Variants in PDE10A observed in about 807,000 individuals in gnomAD.
The protein encoded by PDE10A is phosphodiesterase 10A, also known as cAMP and cAMP-inhibited cGMP 3',5'-cyclic phosphodiesterase 10A.
A neutral mutation model predicts 97.7 loss-of-function variants in PDE10A; 39 were observed. That is an observed-to-expected ratio of 0.40 (90% confidence interval 0.31 to 0.52). The LOEUF is 0.52. Among genes scored for constraint, PDE10A ranks in the 20% least tolerant of loss-of-function variants. The pLI is 0.56. For missense variants in PDE10A, 731 were observed against 1,047.8 expected (o/e 0.70, Z 4.17); for synonymous variants, 371 against 376.8 (o/e 0.98, Z 0.18).
At chr6:165,652,478 C>T (rs1789733393) in intron 1 of PDE10A, among the ~76,000 whole-genome samples, 1 of 152,172 alleles carries the variant, frequency 6.6e-6, no homozygotes. Context: ...AGAGCCACCT[C>T]GCCCAGCCTT....
intron 1 of PDE10A, among the ~76,000 whole-genome samples, chr6:165,954,729 T>C (rs1412490884): frequency 6.6e-6 from 1 of 152,004 alleles, no homozygotes; most frequent in Admixed American, 6.6e-5. Flanking sequence ...CAGAAGGCCT[T>C]ACAAGAAGGC....
intron 1 of PDE10A, among the ~76,000 whole-genome samples, chr6:165,967,795 A>G (rs1562333115): frequency 1.3e-5 from 2 of 152,158 alleles, no homozygotes; most frequent in African/African-American, 2.4e-5. Flanking sequence ...ATCAACTTTC[A>G]TGAATTTATA....
chr6:165,806,914 C>T (rs773319826), intron 1 of PDE10A, among the ~76,000 whole-genome samples: 2 of 152,108 alleles, frequency 1.3e-5, no homozygotes, highest in South Asian at 2.1e-4. Flanking sequence ...TAACTTATAC[C>T]CTTACCATGT....
chr6:165,922,983 T>G (rs910617997), intron 1 of PDE10A, among the ~76,000 whole-genome samples: 47 of 152,106 alleles, frequency 3.1e-4, no homozygotes, highest in Non-Finnish European at 1.3e-4. Context: ...GCCCTGAGAT[T>G]AAAGTAGGTC....
At chr6:165,443,513 GA>G (rs946510928) in intron 5 of PDE10A, among the ~76,000 whole-genome samples, 1 of 152,188 alleles carries the variant, frequency 6.6e-6, no homozygotes, top group African/African-American at 2.4e-5. Context: ...GCGCATGGTG[GA>G]AGCTGTTGGT....
At chr6:165,862,676 CTTTTT>C (rs200141487) in intron 1 of PDE10A, among the ~76,000 whole-genome samples, 96 of 140,838 alleles carry the variant, frequency 6.8e-4, no homozygotes, top group African/African-American at 2.4e-3. Flanking sequence ...AGCAGTCGTC[CTTTTT>C]TTTTTTTTTT....
intron 1 of PDE10A, among the ~76,000 whole-genome samples, chr6:165,937,998 G>A (rs796242882): frequency 5.9e-5 from 9 of 152,324 alleles, no homozygotes; most frequent in African/African-American, 2.2e-4. Context: ...CACATCACAG[G>A]AGGGTCCTCT....
Position 165,339,129 on chromosome 6 carries a change from G to A in PDE10A, c.2976+149C>T, listed in dbSNP as rs1781824634. On this transcript the variant is annotated intron_variant, in intron 20 of 21. Transcript: ENST00000539869. ...TCTCAATCTTGTAAGATAAATTTCTGAAGTTTCTATATTAATCACCAGATC... is the reference window on the plus strand; with the variant it reads ...TCTCAATCTTGTAAGATAAATTTCTAAAGTTTCTATATTAATCACCAGATC... The A allele has an allele frequency of 4.5e-6, 3 of 671,870 alleles. No individual in the cohort carries two copies. In the South Asian group the frequency reaches 4.9e-5, roughly 11 times the overall value. 41.6% of individuals were successfully genotyped at this position (671,870 alleles called of 1,614,324 possible). A position where few individuals can be genotyped will look rare whatever the true frequency, so the allele number is the denominator to read the frequency against.
intron 1 of PDE10A, among the ~76,000 whole-genome samples, chr6:165,864,440 C>T (rs1780985818): frequency 6.6e-6 from 1 of 152,090 alleles, no homozygotes; most frequent in Admixed American, 6.5e-5. Context: ...GGGCAAAGGC[C>T]CTAACAGATT....
rs184551889 is a variant in PDE10A, at chr6:165,881,625, G to A, written c.-615+105904C>T. ...TCACCATGTTGGCCAGGATGGTCTC[G>A]ATCTCTTGACCTCGTGATCCGCCTG... On this transcript the variant is annotated intron_variant, in intron 1 of 19. Transcript: ENST00000366882. 3.7e-3 allele frequency among the ~76,000 whole-genome samples: 551 copies of A among 147,748 alleles called. 3 individuals are homozygous for A. The highest frequency in any genetic ancestry group is 0.013 in the African/African-American group (532 of 39,912).
chr6:165,591,914 A>G (rs749190603), intron 1 of PDE10A, among the ~76,000 whole-genome samples: 13 of 152,198 alleles, frequency 8.5e-5, no homozygotes, highest in Admixed American at 1.3e-4. Flanking sequence ...TTTAAAACAC[A>G]AATAGACAAA....
intron 2 of PDE10A, among the ~76,000 whole-genome samples, chr6:165,532,511 TCTC>T (rs1450824870): frequency 6.6e-6 from 1 of 151,990 alleles, no homozygotes; most frequent in Non-Finnish European, 1.5e-5. Flanking sequence ...GAGTATGTGA[TCTC>T]CTCTGGGGGT....
At chr6:165,921,865 G>A (rs1391352985) in intron 1 of PDE10A, among the ~76,000 whole-genome samples, 1 of 152,310 alleles carries the variant, frequency 6.6e-6, no homozygotes, top group Non-Finnish European at 1.5e-5. Flanking sequence ...GAGCACTGAT[G>A]AGCTCTGAGC....
chr6:165,655,304 T>C lies in PDE10A; in HGVS notation c.865+6643A>G, dbSNP rs964294037. On this transcript the variant is annotated intron_variant, in intron 1 of 21. Transcript: ENST00000539869. This position sits in a 1 kb window ranked among gnomAD's most constrained non-coding sequence, Gnocchi z 4.5. ...ATCAAATCCTCCCAGGCTTTGTTTA[T>C]CCAACTGCCTTCCTAGCATATGCAT... Among the ~76,000 whole-genome samples, 4 of 152,172 alleles carry C rather than the reference T, an allele frequency of 2.6e-5. No individual in the cohort carries two copies. Among genetic ancestry groups the C allele is most frequent in the African/African-American group, 9.7e-5 (4 of 41,440 alleles).
intron 17 of PDE10A, among the ~76,000 whole-genome samples, chr6:165,380,957 G>A (rs1784890789): frequency 6.6e-6 from 1 of 152,214 alleles, no homozygotes; most frequent in Non-Finnish European, 1.5e-5. Context: ...TGTCTGGCTG[G>A]TGCTCACGCA....
chr6:165,984,894 G>C (rs1198260090), intron 1 of PDE10A, among the ~76,000 whole-genome samples: 3 of 152,156 alleles, frequency 2.0e-5, no homozygotes, highest in Non-Finnish European at 4.4e-5. Flanking sequence ...CCTTTGTTTG[G>C]AAACGGACGC....
intron 12 of PDE10A, 145 bp from the exon 13 acceptor site, chr6:165,413,832 A>G: frequency 1.6e-6 from 1 of 611,216 alleles, no homozygotes; most frequent in South Asian, 2.2e-5. Context: ...TAGCTTCTAC[A>G]TTCAGGGACA....
chr6:165,953,348 T>C (rs1784027281), intron 1 of PDE10A, among the ~76,000 whole-genome samples: 1 of 152,210 alleles, frequency 6.6e-6, no homozygotes, highest in Admixed American at 6.5e-5. Flanking sequence ...CCCAGCATTT[T>C]GGGAGGCCGA....
At chr6:165,771,882 G>C in intron 1 of PDE10A, among the ~76,000 whole-genome samples, 1 of 152,136 alleles carries the variant, frequency 6.6e-6, no homozygotes, top group Non-Finnish European at 1.5e-5. Flanking sequence ...GTGTGATGCA[G>C]AGCTGGCTGC....
Sources: gnomAD v4.1 joint callset for allele counts (sites outside exome capture counted in the v4.1 genomes callset) on GRCh38, gnomAD v4.1.1 for gene constraint, Gnocchi (gnomAD v3.1) non-coding constraint, MANE v1.5 for transcripts, NCBI Gene and HGNC (gene_info 2026-07-23, HGNC 2026-07-21) for gene names.